SRRM3: variants seen among roughly 807,000 people sequenced by gnomAD.
SRRM3 encodes the protein serine/arginine repetitive matrix 3, also known as serine/arginine repetitive matrix protein 3.
Under a neutral mutation model 66.2 loss-of-function variants are expected in SRRM3, and 27 were observed. The ratio of observed to expected loss-of-function variants is 0.41; its 90% CI spans 0.30 to 0.56. The LOEUF (loss-of-function observed/expected upper bound fraction) is 0.56, where lower values mean the gene tolerates loss of function less well. SRRM3 is among the 20% of genes least tolerant of loss of function. The probability of loss-of-function intolerance (pLI) is 0.32; values close to 1 mark genes in which losing one functional copy is unlikely to be tolerated. For missense variants in SRRM3, 918 were observed against 991.9 expected (o/e 0.93, Z 1.00); for synonymous variants, 391 against 414.9 (o/e 0.94, Z 0.70).
chr7:76,283,124 C>T, intron 14 of SRRM3, 23 bp downstream of exon 14: 2 of 1,399,480 alleles, frequency 1.4e-6, no homozygotes, highest in South Asian at 1.7e-5. Context: ...TTGGGGGGGC[C>T]GGTGGCGCAG....
chr7:76,281,358 T>G (rs1043071096), intron 11 of SRRM3, 83 bp from the exon 12 acceptor site: 1 of 1,007,274 alleles, frequency 9.9e-7, no homozygotes, highest in Admixed American at 5.0e-5. Flanking sequence ...CTCTCCCGTC[T>G]GTCTCCTCTC....
intron 3 of SRRM3, among the ~76,000 whole-genome samples, chr7:76,257,176 G>A (rs1245465060): frequency 6.6e-6 from 1 of 152,126 alleles, no homozygotes; most frequent in Non-Finnish European, 1.5e-5. Flanking sequence ...AGATGGAGTT[G>A]CTCTGGTTCA....
chr7:76,269,354 C>T (rs1454137597), intron 11 of SRRM3: 1 of 152,168 alleles, frequency 6.6e-6, no homozygotes, highest in East Asian at 1.9e-4. Context: ...TCCCGGGTCT[C>T]AAACCTGCAT....
intron 10 of SRRM3, among the ~76,000 whole-genome samples, chr7:76,265,856 A>ATT (rs1267966248): frequency 0.014 from 140 of 9,672 alleles, 6 homozygotes; most frequent in Non-Finnish European, 0.016. Context: ...ATATATATAT[A>ATT]TATTTTTTTT....
rs75904237 is a variant in SRRM3 at position 76,218,146 on chromosome 7, G to A, written c.-40+16079G>A. On this transcript the variant is annotated intron_variant, in intron 1 of 14. Transcript: ENST00000611745. ...GCGGGGGTTGGGATCTGATCCTGGG[G>A]GAAGGAGAAGGAGGTGATGAAAACT... is the stretch of plus-strand genomic sequence containing the variant. Among the ~76,000 whole-genome samples the A allele has an allele frequency of 2.6e-4, 40 of 152,290 alleles. No homozygotes were observed. In the East Asian group the frequency reaches 7.3e-3, roughly 28 times the overall value.
chr7:76,284,331 C>G (rs539750315), intron 14 of SRRM3, among the ~76,000 whole-genome samples: 4 of 152,028 alleles, frequency 2.6e-5, no homozygotes, highest in African/African-American at 7.2e-5. Context: ...CCCACCACCA[C>G]GCCCAGCTAA....
intron 1 of SRRM3, among the ~76,000 whole-genome samples, chr7:76,215,351 C>G (rs1395930765): frequency 2.7e-5 from 4 of 149,820 alleles, no homozygotes; most frequent in African/African-American, 9.8e-5. Context: ...TTAAATGGCT[C>G]CCATATTTAG....
intron 2 of SRRM3, among the ~76,000 whole-genome samples, chr7:76,246,637 T>C (rs1041265541): frequency 4.6e-5 from 7 of 151,984 alleles, no homozygotes; most frequent in African/African-American, 1.7e-4. Flanking sequence ...AAATGTTGAG[T>C]TGAACCAACT....
intron 11 of SRRM3, among the ~76,000 whole-genome samples, chr7:76,278,626 G>A (rs1583941920): frequency 6.6e-6 from 1 of 152,210 alleles, no homozygotes; most frequent in African/African-American, 2.4e-5. Context: ...TATCCATTGT[G>A]CCCACTTATG....
intron 1 of SRRM3, among the ~76,000 whole-genome samples, chr7:76,228,819 G>A (rs1800943157): frequency 6.6e-6 from 1 of 151,884 alleles, no homozygotes; most frequent in African/African-American, 2.4e-5. Flanking sequence ...CTAGACCACT[G>A]CCCACCTCCC....
At chr7:76,270,975 CA>C (rs879967255) in intron 11 of SRRM3, among the ~76,000 whole-genome samples, 77 of 141,044 alleles carry the variant, frequency 5.5e-4, no homozygotes, top group East Asian at 6.2e-4. Flanking sequence ...GACTCTGTCT[CA>C]AAAAAAAAAA....
chr7:76,272,445 A>C (rs556312150), intron 11 of SRRM3, among the ~76,000 whole-genome samples: 1 of 152,178 alleles, frequency 6.6e-6, no homozygotes, highest in East Asian at 1.9e-4. Flanking sequence ...GTGCATGCCT[A>C]CAATCCCAGC....
rs1244612863 is a variant in SRRM3 at position 76,258,716 on chromosome 7, AAAAAAAAAAAAAAAAAAGAAAAAG to A, written c.336-1184_336-1161del. On this transcript the variant is annotated intron_variant, in intron 3 of 14. Coordinates refer to ENST00000611745, the MANE Select transcript of SRRM3 (RefSeq NM_001110199.3). The stretch of plus-strand genomic sequence containing the variant: ...TCGACAGAGTGAGACTCCATCTCAA[AAAAAAAAAAAAAAAAAAGAAAAAG>A]AAAAAGAAAAAAAAAAAAGGAAGAA... 4.4e-5 allele frequency among the ~76,000 whole-genome samples: 6 copies of A among 136,022 alleles called. 1 individual carries two copies. In the South Asian group the frequency reaches 1.2e-3, roughly 26 times the overall value. The allele number at this position is 136,022 out of a possible 152,430, so 89.2% of individuals were successfully genotyped here. A position where few individuals can be genotyped will look rare whatever the true frequency, so the allele number is the denominator to read the frequency against.
chr7:76,266,606 T>C (rs1802060343), intron 10 of SRRM3, among the ~76,000 whole-genome samples: 1 of 127,342 alleles, frequency 7.9e-6, no homozygotes, highest in Non-Finnish European at 1.6e-5. Flanking sequence ...TATTTATATT[T>C]AATTATGTTA....
intron 10 of SRRM3, among the ~76,000 whole-genome samples, chr7:76,265,828 T>A (rs868942921): frequency 7.8e-5 from 2 of 25,578 alleles, no homozygotes; most frequent in African/African-American, 5.8e-4. Flanking sequence ...TAATAAATAT[T>A]TATATATATA....
intron 5 of SRRM3, 89 bp from the exon 6 acceptor site, chr7:76,260,785 C>G (rs1563631684): frequency 7.7e-7 from 1 of 1,298,636 alleles, no homozygotes; most frequent in East Asian, 2.5e-5. Flanking sequence ...TCCACCCTCC[C>G]CTGTCCTGCG....
At chr7:76,212,464 CTTTT>C (rs1173761653) in intron 1 of SRRM3, among the ~76,000 whole-genome samples, 1 of 98,080 alleles carries the variant, frequency 1.0e-5, no homozygotes. Context: ...GCAAGGTCTG[CTTTT>C]TTTTTTTTTT....
In SRRM3 at chr7:76,285,103, A is replaced by T. The variant is rs920106878; in HGVS notation, c.1734-512A>T. ...TTTTGAGACGGAGTCTCACTCTGTC[A>T]CCCAGGCTGGAGTGCAGTGGCGCAA... On this transcript the variant is annotated intron_variant, in intron 14 of 14. Coordinates refer to ENST00000611745, the MANE Select transcript of SRRM3 (RefSeq NM_001110199.3). The surrounding 1 kb of genome is among the most constrained non-coding windows in gnomAD (Gnocchi z 4.1). Among the ~76,000 whole-genome samples the T allele has an allele frequency of 3.9e-5, 6 of 151,926 alleles. No individual in the cohort carries two copies. The highest frequency in any genetic ancestry group is 3.3e-4 in the Admixed American group (5 of 15,250).
Position 76,267,258 on chromosome 7 carries a change from G to A in SRRM3, c.831G>A (p.Arg277=), listed in dbSNP as rs782260931. ...CATTCTTCCTGGCGCCTAACCCCAGGCTGAGCCCCAAGCACCGAGACGAAG... is the reference window on the plus strand; with the variant it reads ...CATTCTTCCTGGCGCCTAACCCCAGACTGAGCCCCAAGCACCGAGACGAAG... ...SHYSDSRSPS[R]LSPKHRDEGR... is the part of the protein sequence containing the mutation. Residue 277 remains arginine (R), a splice_region_variant and synonymous_variant, in exon 11 of 15, where the codon AGG becomes AGA. Coordinates refer to ENST00000611745, the MANE Select transcript of SRRM3 (RefSeq NM_001110199.3). 23 of 1,545,514 alleles carry A rather than the reference G, an allele frequency of 1.5e-5. No individual in the cohort carries two copies. Among genetic ancestry groups the A allele is most frequent in the Middle Eastern group, 3.4e-4 (2 of 5,826 alleles).
Sources: gnomAD v4.1 joint callset for allele counts (sites outside exome capture counted in the v4.1 genomes callset) on GRCh38, gnomAD v4.1.1 for gene constraint, Gnocchi (gnomAD v3.1) non-coding constraint, MANE v1.5 for transcripts, NCBI Gene and HGNC (gene_info 2026-07-23, HGNC 2026-07-21) for gene names.